LRGUK: variants seen among roughly 807,000 people sequenced by gnomAD.
LRGUK encodes leucine rich repeats and guanylate kinase domain containing.
In LRGUK, 65 loss-of-function variants were observed where a neutral mutation model predicts 76.0. The observed-to-expected ratio is 0.85, with a 90% CI of 0.70 to 1.05. The LOEUF (loss-of-function observed/expected upper bound fraction) is 1.05, where lower values mean the gene tolerates loss of function less well. LRGUK is among the 50% of genes least tolerant of loss of function. The probability of loss-of-function intolerance (pLI) is 0.00; values close to 1 mark genes in which losing one functional copy is unlikely to be tolerated. For synonymous variants in LRGUK, 268 were observed against 265.6 expected (o/e 1.01, Z -0.09); for missense variants, 758 against 732.8 (o/e 1.03, Z -0.40).
At chr7:134,128,327 A>G (rs1309586579) in intron 1 of LRGUK, among the ~76,000 whole-genome samples, 1 of 152,152 alleles carries the variant, frequency 6.6e-6, no homozygotes, top group Non-Finnish European at 1.5e-5. Flanking sequence ...ATTGACTGGG[A>G]TGGCGGCTTC....
chr7:134,129,890 G>A lies in LRGUK; in HGVS notation c.297+2226G>A, dbSNP rs539239196. On this transcript the variant is annotated intron_variant, in intron 1 of 15. Transcript: ENST00000645682. ...GAGGCCAAACATATTTCTGTGTTAT[G>A]CCTGTTCCCTTTCACCAACTCCTTT... is the stretch of plus-strand genomic sequence containing the variant. 3.9e-5 allele frequency among the ~76,000 whole-genome samples: 6 copies of A among 152,188 alleles called. No individual in the cohort carries two copies. The South Asian group carries it at 1.2e-3, about 32-fold the overall frequency.
intron 16 of LRGUK, among the ~76,000 whole-genome samples, chr7:134,241,769 A>T (rs562789918): frequency 6.6e-6 from 1 of 152,324 alleles, no homozygotes; most frequent in East Asian, 1.9e-4. Flanking sequence ...TCAGCACCAC[A>T]TCACACTTAT....
At chr7:134,158,724 C>G (rs1005257848) in intron 6 of LRGUK, among the ~76,000 whole-genome samples, 1 of 152,178 alleles carries the variant, frequency 6.6e-6, no homozygotes, top group Admixed American at 6.5e-5. Flanking sequence ...AGAGAGCACT[C>G]TTTCGAAGCT....
At chr7:134,249,216 T>A in intron 18 of LRGUK, 140 bp downstream of exon 18, 2 of 950,694 alleles carry the variant, frequency 2.1e-6, no homozygotes, top group Non-Finnish European at 2.9e-6. Context: ...TTGAAGGGAG[T>A]AGACCCTGCC....
chr7:134,173,116 T>TA (rs35121046), intron 7 of LRGUK, among the ~76,000 whole-genome samples: 21,773 of 152,166 alleles, frequency 0.14, 2,219 homozygotes, highest in East Asian at 0.38. Flanking sequence ...TGATCCCTTT[T>TA]AAAAAAAGAT....
chr7:134,133,217 C>T (rs1223911838), intron 1 of LRGUK, among the ~76,000 whole-genome samples: 2 of 152,212 alleles, frequency 1.3e-5, no homozygotes, highest in Non-Finnish European at 2.9e-5. Context: ...TCATCGTTCT[C>T]TCAATGGGCC....
exon 1 of LRGUK, chr7:134,127,381 A>C: frequency 6.2e-7 from 1 of 1,604,540 alleles, no homozygotes; most frequent in South Asian, 1.1e-5. Context: ...GCGACCTCCG[A>C]GAGGGCTCTC....
rs141358768 is a variant in LRGUK, at chr7:134,240,235, C to A, written c.1984-7321C>A. On this transcript the variant is annotated intron_variant, in intron 16 of 19. Transcript: ENST00000285928. ...ACGAGAGAAGAAGGCTTCAGATGATCGGTAATAACAAACTTCTCCAAGCTA... is the reference window on the plus strand; with the variant it reads ...ACGAGAGAAGAAGGCTTCAGATGATAGGTAATAACAAACTTCTCCAAGCTA... 3.8e-3 allele frequency among the ~76,000 whole-genome samples: 575 copies of A among 152,292 alleles called. 4 individuals are homozygous for A. The highest frequency in any genetic ancestry group is 0.013 in the African/African-American group (548 of 41,564).
chr7:134,159,671 C>T (rs1798639429), intron 6 of LRGUK, among the ~76,000 whole-genome samples: 3 of 152,156 alleles, frequency 2.0e-5, no homozygotes, highest in Admixed American at 2.0e-4. Context: ...CCCCTGTCAT[C>T]CCAGCTACTC....
At chr7:134,149,108 T>G (rs997928) in intron 5 of LRGUK, among the ~76,000 whole-genome samples, 38 of 148,956 alleles carry the variant, frequency 2.6e-4, no homozygotes, top group African/African-American at 8.9e-4. Flanking sequence ...TTTCTTTTTT[T>G]AAAAAAAAAA....
At chr7:134,201,739 A>G (rs1179840761) in intron 15 of LRGUK, among the ~76,000 whole-genome samples, 163 bp downstream of exon 15, 2 of 152,134 alleles carry the variant, frequency 1.3e-5, no homozygotes, top group African/African-American at 4.8e-5. Context: ...AGCATGAGTC[A>G]GCTTTCTGGA....
intron 7 of LRGUK, among the ~76,000 whole-genome samples, chr7:134,169,581 A>C (rs1423524947): frequency 1.3e-5 from 2 of 152,110 alleles, no homozygotes; most frequent in Non-Finnish European, 2.9e-5. Context: ...AAGGTTTTAA[A>C]TATTCTTATA....
chr7:134,131,688 C>T (rs532940395), intron 1 of LRGUK, among the ~76,000 whole-genome samples: 53 of 152,272 alleles, frequency 3.5e-4, no homozygotes, highest in African/African-American at 1.2e-3. Flanking sequence ...GATTGTAATA[C>T]TGGAGGCAAG....
chr7:134,149,012 G>A (rs1798093965), intron 5 of LRGUK, among the ~76,000 whole-genome samples: 1 of 150,700 alleles, frequency 6.6e-6, no homozygotes. Flanking sequence ...TGGTCATAAG[G>A]AAAATTAGTG....
At chr7:134,250,684 G>A (rs1029345860) in intron 18 of LRGUK, among the ~76,000 whole-genome samples, 3 of 152,164 alleles carry the variant, frequency 2.0e-5, no homozygotes, top group Non-Finnish European at 4.4e-5. Context: ...AGAGATTAGA[G>A]ACCCTAGCAT....
At chr7:134,251,089 G>A (rs894412562) in intron 18 of LRGUK, among the ~76,000 whole-genome samples, 5 of 152,074 alleles carry the variant, frequency 3.3e-5, no homozygotes, top group African/African-American at 9.7e-5. Flanking sequence ...TATGTGTTAT[G>A]GTTTGAGCTG....
chr7:134,175,738 A>G (rs73439481), intron 8 of LRGUK, among the ~76,000 whole-genome samples: 1,656 of 152,310 alleles, frequency 0.011, 40 homozygotes, highest in African/African-American at 0.038. Context: ...AATATATAAC[A>G]GATCATCCGC....
At chr7:134,266,502 A>G (rs1644583032), downstream of LRGUK, among the ~76,000 whole-genome samples, 1 of 152,258 alleles carries the variant, frequency 6.6e-6, no homozygotes, top group Admixed American at 6.5e-5. Flanking sequence ...ACAATCACTG[A>G]AATTTTAAAA....
chr7:134,155,891 ATTGT>A, intron 5 of LRGUK, among the ~76,000 whole-genome samples: 2 of 152,174 alleles, frequency 1.3e-5, no homozygotes, highest in Non-Finnish European at 2.9e-5. Context: ...GCTTAAAAAA[ATTGT>A]TTGTTTCTCT....
Sources: gnomAD v4.1 joint callset for allele counts (sites outside exome capture counted in the v4.1 genomes callset) on GRCh38, gnomAD v4.1.1 for gene constraint, MANE v1.5 for transcripts, NCBI Gene and HGNC (gene_info 2026-07-23, HGNC 2026-07-21) for gene names.